Variants in CELF2 observed in about 807,000 individuals in gnomAD.
CELF2 encodes the protein CUGBP Elav-like family member 2.
CELF2 carries 8 observed loss-of-function variants against 62.6 expected under a neutral mutation model. The ratio of observed to expected loss-of-function variants is 0.13; its 90% CI spans 0.07 to 0.23. The LOEUF (loss-of-function observed/expected upper bound fraction) is 0.23. Among genes scored for constraint, CELF2 ranks in the 10% least tolerant of loss-of-function variants. The pLI, the probability that CELF2 is intolerant of heterozygous loss-of-function variation, is 1.00. For missense variants in CELF2, 333 were observed against 671.0 expected (o/e 0.50, Z 5.56); for synonymous variants, 258 against 250.0 (o/e 1.03, Z -0.30).
the CELF2 span, among the ~76,000 whole-genome samples, chr10:10,545,065 G>A: frequency 1.3e-5 from 2 of 152,064 alleles, no homozygotes; most frequent in African/African-American, 2.4e-5. Flanking sequence ...TTTGATACAC[G>A]CGTAGGACTG....
At chr10:10,699,214 T>C in the CELF2 span, among the ~76,000 whole-genome samples, 2 of 152,228 alleles carry the variant, frequency 1.3e-5, no homozygotes, top group Admixed American at 6.5e-5. Context: ...TATATACACA[T>C]ACATATCAAA....
chr10:10,719,919 G>A, the CELF2 span, among the ~76,000 whole-genome samples: 14 of 152,244 alleles, frequency 9.2e-5, no homozygotes, highest in African/African-American at 2.9e-4. Context: ...AAAAACAGCC[G>A]TTTTCAGTTC....
At chr10:11,142,423 G>T (rs976663371) in intron 1 of CELF2, among the ~76,000 whole-genome samples, 2 of 152,104 alleles carry the variant, frequency 1.3e-5, no homozygotes, top group Non-Finnish European at 2.9e-5. Context: ...GGTGGCTCAC[G>T]CCTGTAATCC....
chr10:11,025,555 T>A (rs2059062891), intron 1 of CELF2, among the ~76,000 whole-genome samples: 1 of 152,248 alleles, frequency 6.6e-6, no homozygotes, highest in Non-Finnish European at 1.5e-5. Context: ...TCCTGAGGTC[T>A]CCCCAGTCAT....
chr10:11,196,006 A>G (rs1156639857), intron 2 of CELF2, among the ~76,000 whole-genome samples: 1 of 150,114 alleles, frequency 6.7e-6, no homozygotes, highest in African/African-American at 2.5e-5. Context: ...GTCCACGTCC[A>G]TGGTAAAAGA....
At chr10:10,489,424 C>T in the CELF2 span, among the ~76,000 whole-genome samples, 2 of 152,020 alleles carry the variant, frequency 1.3e-5, no homozygotes, top group African/African-American at 2.4e-5. Flanking sequence ...GTGTCAGCTC[C>T]GTCTAGTACT....
the CELF2 span, among the ~76,000 whole-genome samples, chr10:10,529,633 G>A: frequency 8.0e-5 from 11 of 137,034 alleles, no homozygotes; most frequent in South Asian, 2.3e-4. Context: ...GCAGTGAGCC[G>A]AGATTGTGCC....
rs2091042863 is a variant in CELF2, at chr10:11,285,826, G to GTGTGTGT, written c.842-2592_842-2591insTGTGTGT. Among the ~76,000 whole-genome samples, 2 of 128,698 alleles carry GTGTGTGT rather than the reference G, an allele frequency of 1.6e-5. No individual in the cohort carries two copies. Among genetic ancestry groups the GTGTGTGT allele is most frequent in the Non-Finnish European group, 1.6e-5 (1 of 61,518 alleles). The allele number at this position is 128,698 out of a possible 152,430, so 84.4% of individuals were successfully genotyped here. A position where few individuals can be genotyped will look rare whatever the true frequency, so the allele number is the denominator to read the frequency against. On this transcript the variant is annotated intron_variant, in intron 8 of 12. Coordinates refer to ENST00000633077, the MANE Select transcript of CELF2 (RefSeq NM_001326342.2). The surrounding 1 kb of genome is among the most constrained non-coding windows in gnomAD (Gnocchi z 4.3). ...TTGCTCATCACCTACTATATATATT[G>GTGTGTGT]GTGTGTGTGTGTGTGTGTGTGTGTG...
At chr10:10,563,983 G>C in the CELF2 span, among the ~76,000 whole-genome samples, 2 of 152,160 alleles carry the variant, frequency 1.3e-5, no homozygotes, top group African/African-American at 2.4e-5. Context: ...AAAGTTTGAG[G>C]CTTGATGCTA....
At chr10:10,796,406 T>C (rs187489652), upstream of CELF2, among the ~76,000 whole-genome samples, 271 of 152,372 alleles carry the variant, frequency 1.8e-3, 1 homozygote, top group South Asian at 0.013. Flanking sequence ...AGGAACATTC[T>C]ACTGACTACC....
intron 5 of CELF2, among the ~76,000 whole-genome samples, chr10:11,263,902 A>T (rs1454506672): frequency 3.9e-5 from 6 of 152,192 alleles, no homozygotes; most frequent in Non-Finnish European, 8.8e-5. Context: ...AAGTTGCTTG[A>T]CTTCATCCCG....
At chr10:10,465,855 T>C in the CELF2 span, among the ~76,000 whole-genome samples, 47 of 152,086 alleles carry the variant, frequency 3.1e-4, no homozygotes. Flanking sequence ...AGTCTTAACC[T>C]CTGTGTTCGT....
chr10:10,724,951 C>T, the CELF2 span, among the ~76,000 whole-genome samples: 1 of 118,928 alleles, frequency 8.4e-6, no homozygotes, highest in East Asian at 2.5e-4. Context: ...TTAGTTGAGT[C>T]ATAAAACCTA....
rs1023148653 is a variant in CELF2 at position 11,224,988 on chromosome 10, GA to G, written c.354+7482del. 2.0e-5 allele frequency among the ~76,000 whole-genome samples: 3 copies of G among 152,212 alleles called. No homozygotes were observed. Among genetic ancestry groups the G allele is most frequent in the African/African-American group, 7.2e-5 (3 of 41,442 alleles). ...AGGGAAGCGCGCTGGACACTTACAGGAGGGCGGTGTGGGGAGGGAAAGAAGT... is the reference window on the plus strand; with the variant it reads ...AGGGAAGCGCGCTGGACACTTACAGGGGGCGGTGTGGGGAGGGAAAGAAGT... On this transcript the variant is annotated intron_variant, in intron 3 of 12. Coordinates refer to ENST00000633077, the MANE Select transcript of CELF2 (RefSeq NM_001326342.2). The surrounding 1 kb of genome is among the most constrained non-coding windows in gnomAD (Gnocchi z 4.5).
chr10:10,912,721 G>A (rs2063924560), intron 1 of CELF2, among the ~76,000 whole-genome samples: 1 of 152,134 alleles, frequency 6.6e-6, no homozygotes, highest in Non-Finnish European at 1.5e-5. Flanking sequence ...AGCCAGAAGG[G>A]GTGCAGGAGT....
rs780477504 is a variant in CELF2, at chr10:11,165,607, C to T, written c.196C>T (p.Leu66Phe). ...ATGGTCGGAAAAGGAGCTGAAAGAA[C>T]TTTTTGAGCCTTACGGAGCCGTCTA... is the stretch of plus-strand genomic sequence containing the variant. ...RSWSEKELKE[L>F]FEPYGAVYQI... Residue 66 changes from leucine (L) to phenylalanine (F), a missense_variant, in exon 2 of 13, where the codon CTT becomes TTT. Physicochemically the swap from Leu to Phe is conservative, Grantham distance 22 (BLOSUM62 0). Around this residue, in one of 3 missense-constraint regions of CELF2, gnomAD observed 253 missense variants for 503.0 expected, o/e 0.50. Transcript: ENST00000633077. This position sits in a 1 kb window ranked among gnomAD's most constrained non-coding sequence, Gnocchi z 7.4. 6 of 1,614,080 alleles carry T rather than the reference C, an allele frequency of 3.7e-6. No individual in the cohort carries two copies. Among genetic ancestry groups the T allele is most frequent in the Admixed American group, 1.7e-5 (1 of 60,006 alleles).
chr10:10,956,779 AT>A (rs2048949698), intron 2 of CELF2, among the ~76,000 whole-genome samples: 1 of 151,934 alleles, frequency 6.6e-6, no homozygotes, highest in African/African-American at 2.4e-5. Flanking sequence ...AGAAAAAAAA[AT>A]TTAATTAGCT....
intron 1 of CELF2, among the ~76,000 whole-genome samples, chr10:10,821,765 T>C (rs2056984143): frequency 6.6e-6 from 1 of 152,112 alleles, no homozygotes; most frequent in Non-Finnish European, 1.5e-5. Context: ...CTCAGCCTCC[T>C]GAATAGGTGG....
the CELF2 span, among the ~76,000 whole-genome samples, chr10:10,479,532 A>G: frequency 6.6e-6 from 1 of 152,172 alleles, no homozygotes; most frequent in African/African-American, 2.4e-5. Flanking sequence ...CGTGATGGTA[A>G]GGAGATAAGT....
Sources: allele counts gnomAD v4.1 joint callset (sites outside exome capture counted in the v4.1 genomes callset), GRCh38; gene constraint gnomAD v4.1.1; regional missense constraint gnomAD v4.1.1; non-coding constraint Gnocchi (gnomAD v3.1); transcripts MANE v1.5; gene names NCBI Gene and HGNC (gene_info 2026-07-23, HGNC 2026-07-21).